PCDH7: variants seen among roughly 807,000 people sequenced by gnomAD.
The protein encoded by PCDH7 is protocadherin-7.
A neutral mutation model predicts 58.9 loss-of-function variants in PCDH7; 17 were observed. The ratio of observed to expected loss-of-function variants is 0.29; its 90% CI spans 0.20 to 0.43. The LOEUF (loss-of-function observed/expected upper bound fraction) is 0.43, where lower values mean the gene tolerates loss of function less well. Among genes scored for constraint, PCDH7 ranks in the 20% least tolerant of loss-of-function variants. The pLI is 1.00. For synonymous variants in PCDH7, 664 were observed against 616.4 expected (o/e 1.08, Z -1.14); for missense variants, 1,274 against 1,441.0 (o/e 0.88, Z 1.88).
intron 3 of PCDH7, among the ~76,000 whole-genome samples, chr4:30,969,809 C>T (rs1749394286): frequency 6.6e-6 from 1 of 152,170 alleles, no homozygotes; most frequent in South Asian, 2.1e-4. Flanking sequence ...GTTAAAATTA[C>T]AGATGCTGGA....
intron 3 of PCDH7, among the ~76,000 whole-genome samples, chr4:31,105,962 G>A (rs1481769467): frequency 2.6e-5 from 4 of 151,216 alleles, no homozygotes; most frequent in African/African-American, 4.9e-5. Context: ...AGCCGTAATC[G>A]CGCCACTGCA....
intron 3 of PCDH7, among the ~76,000 whole-genome samples, chr4:30,951,298 G>A (rs1423054386): frequency 6.6e-6 from 1 of 152,112 alleles, no homozygotes; most frequent in African/African-American, 2.4e-5. Context: ...TTTTTCTACT[G>A]TATTTGAATG....
intron 1 of PCDH7, among the ~76,000 whole-genome samples, chr4:30,910,633 G>A (rs147263414): frequency 0.036 from 5,519 of 152,174 alleles, 330 homozygotes; most frequent in African/African-American, 0.13. Flanking sequence ...AGTTAGAATG[G>A]TGATCATTAA....
intron 1 of PCDH7, among the ~76,000 whole-genome samples, chr4:30,774,242 T>C (rs1721779141): frequency 6.6e-6 from 1 of 152,188 alleles, no homozygotes; most frequent in Non-Finnish European, 1.5e-5. Context: ...GTTCTCTCTG[T>C]ACCCTTCCTT....
chr4:30,827,709 G>C (rs2109327442), intron 1 of PCDH7, among the ~76,000 whole-genome samples: 1 of 152,210 alleles, frequency 6.6e-6, no homozygotes, highest in Non-Finnish European at 1.5e-5. Context: ...GCTGAGTACA[G>C]ATCAGTGAAG....
intron 1 of PCDH7, among the ~76,000 whole-genome samples, chr4:30,910,483 C>T (rs1051525192): frequency 6.6e-6 from 1 of 151,960 alleles, no homozygotes; most frequent in Non-Finnish European, 1.5e-5. Context: ...AAATGCAACC[C>T]CGTTAAAAAG....
intron 3 of PCDH7, among the ~76,000 whole-genome samples, chr4:31,077,881 A>G (rs1055085376): frequency 9.8e-5 from 15 of 152,302 alleles, no homozygotes; most frequent in Non-Finnish European, 1.3e-4. Context: ...TAGAGAATCA[A>G]AGAGGAGATA....
At chr4:30,823,903 T>C (rs1242180028) in intron 1 of PCDH7, among the ~76,000 whole-genome samples, 1 of 152,138 alleles carries the variant, frequency 6.6e-6, no homozygotes, top group Non-Finnish European at 1.5e-5. Flanking sequence ...AGTGCTTTTC[T>C]TGTTTAGCTC....
intron 1 of PCDH7, among the ~76,000 whole-genome samples, chr4:30,900,775 T>TG (rs1240262229): frequency 6.6e-6 from 1 of 152,136 alleles, no homozygotes; most frequent in Non-Finnish European, 1.5e-5. Context: ...GCATTATATA[T>TG]GGGGAGTTCC....
At chr4:30,931,302 A>C (rs1353842824) in intron 2 of PCDH7, among the ~76,000 whole-genome samples, 1 of 152,090 alleles carries the variant, frequency 6.6e-6, no homozygotes, top group Admixed American at 6.5e-5. Context: ...CTGGTCGGGC[A>C]TGGCGGCTCG....
At chr4:30,768,528 C>A (rs1029721839) in intron 1 of PCDH7, among the ~76,000 whole-genome samples, 1 of 152,126 alleles carries the variant, frequency 6.6e-6, no homozygotes, top group African/African-American at 2.4e-5. Flanking sequence ...TGAGATTAAC[C>A]CCCTGTGATT....
chr4:30,876,929 C>T (rs898282147), intron 1 of PCDH7, among the ~76,000 whole-genome samples: 43 of 151,882 alleles, frequency 2.8e-4, no homozygotes, highest in African/African-American at 9.7e-4. Context: ...AGACAGGCCC[C>T]GGTGTGTGAT....
At chr4:30,922,831 T>C (rs1187711100) in intron 2 of PCDH7, among the ~76,000 whole-genome samples, 2 of 152,164 alleles carry the variant, frequency 1.3e-5, no homozygotes, top group Non-Finnish European at 2.9e-5. Flanking sequence ...TGCGATGCAC[T>C]GTGGCTGATC....
intron 1 of PCDH7, among the ~76,000 whole-genome samples, chr4:30,824,471 G>A (rs113365593): frequency 2.0e-4 from 30 of 152,104 alleles, no homozygotes; most frequent in African/African-American, 6.0e-4. Context: ...GATGGTATAC[G>A]TTAACTTTGC....
At chr4:31,046,304 G>T (rs1756277411) in intron 3 of PCDH7, among the ~76,000 whole-genome samples, 1 of 151,808 alleles carries the variant, frequency 6.6e-6, no homozygotes, top group South Asian at 2.1e-4. Flanking sequence ...TGCCATGCTT[G>T]GCTCTGGAGT....
At chr4:30,832,164 G>T (rs571639495) in intron 1 of PCDH7, among the ~76,000 whole-genome samples, 22 of 152,228 alleles carry the variant, frequency 1.4e-4, no homozygotes, top group Non-Finnish European at 1.5e-5. Context: ...CTCTTGCTAT[G>T]GGGGAATGAA....
chr4:30,753,754 A>G (rs1172226333), intron 1 of PCDH7, among the ~76,000 whole-genome samples: 1 of 152,190 alleles, frequency 6.6e-6, no homozygotes, highest in Non-Finnish European at 1.5e-5. Flanking sequence ...CATTTATTAC[A>G]TATGCAGTGC....
At position 30,722,695 on chromosome 4, in the gene PCDH7, C is replaced by T. The variant is rs202016971; in HGVS notation, c.1273C>T (p.Leu425Phe). The change falls in exon 1 of 2, where the codon CTC becomes TTC. Residue 425 changes from leucine to phenylalanine, a missense_variant. Physicochemically the swap from Leu to Phe is conservative, Grantham distance 22 (BLOSUM62 0). This residue lies in a region of PCDH7 where 731 missense variants were observed against 881.9 expected (regional missense o/e 0.83). Coordinates refer to ENST00000361762, the Ensembl canonical transcript of PCDH7. This position sits in a 1 kb window ranked among gnomAD's most constrained non-coding sequence, Gnocchi z 7.6. ...AATCCGCAAGATTGGGCGCATCCCC[C>T]TCAAGGACGGGGTGGCCAACGTGGC... 8.3e-5 allele frequency: 134 copies of T among 1,613,512 alleles called. No homozygotes were observed. The highest frequency in any genetic ancestry group is 2.3e-5 in the Non-Finnish European group (27 of 1,180,042).
chr4:30,981,025 T>C (rs1750507841), intron 3 of PCDH7, among the ~76,000 whole-genome samples: 1 of 152,144 alleles, frequency 6.6e-6, no homozygotes, highest in Admixed American at 6.5e-5. Flanking sequence ...GTATTTTTAG[T>C]AGAGATGGAA....
Sources: allele counts gnomAD v4.1 joint callset (sites outside exome capture counted in the v4.1 genomes callset), GRCh38; gene constraint gnomAD v4.1.1; regional missense constraint gnomAD v4.1.1; non-coding constraint Gnocchi (gnomAD v3.1); transcripts MANE v1.5; gene names NCBI Gene and HGNC (gene_info 2026-07-23, HGNC 2026-07-21).